TTLL5: variants seen among roughly 807,000 people sequenced by gnomAD.
TTLL5 encodes the protein tubulin tyrosine ligase like 5, also known as tubulin polyglutamylase TTLL5.
TTLL5 carries 132 observed loss-of-function variants against 168.4 expected under a neutral mutation model. The observed-to-expected ratio is 0.78, with a 90% CI of 0.68 to 0.91. The LOEUF is 0.91. TTLL5 is among the 40% of genes least tolerant of loss of function. The probability of loss-of-function intolerance (pLI) is 0.00; values close to 1 mark genes in which losing one functional copy is unlikely to be tolerated. For missense variants in TTLL5, 1,545 were observed against 1,581.5 expected (o/e 0.98, Z 0.39); for synonymous variants, 546 against 558.6 (o/e 0.98, Z 0.32).
chr14:75,835,015 T>C (rs1266220152), intron 28 of TTLL5, among the ~76,000 whole-genome samples: 3 of 152,098 alleles, frequency 2.0e-5, no homozygotes, highest in African/African-American at 7.2e-5. Context: ...CTGCAGTGAA[T>C]CATGATTGTG....
intron 10 of TTLL5, among the ~76,000 whole-genome samples, chr14:75,718,831 A>G (rs1887642484): frequency 6.6e-6 from 1 of 152,184 alleles, no homozygotes; most frequent in Non-Finnish European, 1.5e-5. Flanking sequence ...AAGAGACCCA[A>G]ATAGTTACTT....
intron 31 of TTLL5, chr14:75,904,363 G>C (rs925480236): frequency 1.5e-6 from 1 of 678,954 alleles, no homozygotes; most frequent in African/African-American, 2.0e-5. Flanking sequence ...TACCCTATGA[G>C]AACCCCTTTG....
At chr14:75,858,462 A>G (rs1897242305) in intron 28 of TTLL5, among the ~76,000 whole-genome samples, 2 of 152,238 alleles carry the variant, frequency 1.3e-5, no homozygotes, top group African/African-American at 4.8e-5. Flanking sequence ...ATGTACACAT[A>G]AAGCAATTCG....
intron 28 of TTLL5, among the ~76,000 whole-genome samples, chr14:75,822,877 A>G (rs771123058): frequency 1.3e-5 from 2 of 152,170 alleles, no homozygotes; most frequent in Non-Finnish European, 2.9e-5. Flanking sequence ...AAGAAGGCAA[A>G]GAGCCCACGA....
At chr14:75,837,825 A>G (rs758501716) in intron 28 of TTLL5, among the ~76,000 whole-genome samples, 3 of 152,104 alleles carry the variant, frequency 2.0e-5, no homozygotes, top group Non-Finnish European at 2.9e-5. Context: ...ACATATATAT[A>G]TGTGTATATC....
intron 28 of TTLL5, among the ~76,000 whole-genome samples, chr14:75,848,143 CT>C (rs1896656424): frequency 6.6e-6 from 1 of 151,936 alleles, no homozygotes; most frequent in South Asian, 2.1e-4. Context: ...AGGCAGGTTA[CT>C]GGAGCCAGAA....
rs575892500 is a variant in TTLL5 at position 75,786,249 on chromosome 14, A to G, written c.2986+2719A>G. On this transcript the variant is annotated intron_variant, in intron 26 of 31. Transcript: ENST00000298832. ...GATCAATAATGTTCTAGTTTGAACT[A>G]TTTTTTCCCCATGTAAGAAATTCAG... is the stretch of plus-strand genomic sequence containing the variant. Among the ~76,000 whole-genome samples, 287 of 152,214 alleles carry G rather than the reference A, an allele frequency of 1.9e-3. 1 individual carries two copies. Among genetic ancestry groups the G allele is most frequent in the African/African-American group, 6.7e-3 (278 of 41,534 alleles).
chr14:75,870,489 TCC>T (rs1441622003), intron 29 of TTLL5, among the ~76,000 whole-genome samples: 3 of 152,128 alleles, frequency 2.0e-5, no homozygotes, highest in African/African-American at 7.2e-5. Flanking sequence ...TCCTTTACCC[TCC>T]CTTGTACTTT....
At position 75,817,021 on chromosome 14, in the gene TTLL5, G is replaced by A. The variant is rs1036187919; in HGVS notation, c.3172-2986G>A. Among the ~76,000 whole-genome samples the A allele has an allele frequency of 9.9e-5, 12 of 121,436 alleles. No individual in the cohort carries two copies. In the South Asian group the frequency reaches 1.1e-3, roughly 11 times the overall value. The allele number at this position is 121,436 out of a possible 152,430, so 79.7% of individuals were successfully genotyped here. A position where few individuals can be genotyped will look rare whatever the true frequency, so the allele number is the denominator to read the frequency against. On this transcript the variant is annotated intron_variant, in intron 27 of 31. Transcript: ENST00000298832. ...TTTGAGACAAGAGTCTCGCTCTGTC[G>A]CCAGGCTGGAGTGCAGTGCGCTATC...
intron 31 of TTLL5, among the ~76,000 whole-genome samples, chr14:75,924,660 T>A (rs1186337383): frequency 4.6e-5 from 7 of 151,942 alleles, no homozygotes; most frequent in Admixed American, 2.0e-4. Flanking sequence ...CAGAACAAAA[T>A]GAAAAGTCTC....
intron 26 of TTLL5, among the ~76,000 whole-genome samples, chr14:75,790,348 A>G (rs1265749519): frequency 2.0e-5 from 3 of 152,210 alleles, no homozygotes; most frequent in Non-Finnish European, 4.4e-5. Flanking sequence ...ACCAGAAAAG[A>G]GGTAGCATGT....
rs368697896 is a variant in TTLL5 at position 75,954,538 on chromosome 14, AT to A, written c.*103del. The A allele has an allele frequency of 0.072, 76,058 of 1,059,880 alleles. 1 individual carries two copies. Among genetic ancestry groups the A allele is most frequent in the South Asian group, 0.11 (6,489 of 56,968 alleles). 65.7% of individuals were successfully genotyped at this position (1,059,880 alleles called of 1,614,324 possible). On this transcript the variant is annotated 3_prime_UTR_variant, in exon 32 of 32. Transcript: ENST00000298832. ...ACCAGCACTTCAAGGGGTCCATAGT[AT>A]TTTTTTTTTTGCTGCCTCAAAGTCC...
intron 31 of TTLL5, among the ~76,000 whole-genome samples, chr14:75,907,397 A>G (rs998217377): frequency 6.6e-6 from 1 of 152,182 alleles, no homozygotes; most frequent in African/African-American, 2.4e-5. Context: ...CGAAACTTCA[A>G]GGCTTTGATA....
At chr14:75,831,871 CT>C (rs1229614998) in intron 28 of TTLL5, among the ~76,000 whole-genome samples, 1 of 152,116 alleles carries the variant, frequency 6.6e-6, no homozygotes, top group Non-Finnish European at 1.5e-5. Context: ...ACCCTTTTGG[CT>C]TTTGGCTTTT....
chr14:75,730,910 G>T (rs1015820313), intron 12 of TTLL5, among the ~76,000 whole-genome samples: 19 of 152,030 alleles, frequency 1.2e-4, no homozygotes, highest in African/African-American at 4.6e-4. Context: ...AGTAGAGACG[G>T]GGTTTCACCA....
rs74248914 is a variant in TTLL5, at chr14:75,707,442, G to A, written c.656-181G>A. ...TGTACTATATACATAATATGTATACGGTACAATTATATAGTATAATTATTA... is the reference window on the plus strand; with the variant it reads ...TGTACTATATACATAATATGTATACAGTACAATTATATAGTATAATTATTA... On this transcript the variant is annotated intron_variant, in intron 8 of 31. Coordinates refer to ENST00000298832, the MANE Select transcript of TTLL5 (RefSeq NM_015072.5). Among the ~76,000 whole-genome samples the A allele has an allele frequency of 7.3e-4, 111 of 151,486 alleles. 1 individual carries two copies. The East Asian group carries it at 0.018, about 25-fold the overall frequency.
intron 28 of TTLL5, among the ~76,000 whole-genome samples, chr14:75,825,056 C>T (rs1895045981): frequency 6.6e-6 from 1 of 152,078 alleles, no homozygotes; most frequent in Non-Finnish European, 1.5e-5. Flanking sequence ...ACCATAATTT[C>T]CCCATCTTTT....
At chr14:75,924,524 G>C (rs1012795291) in intron 31 of TTLL5, among the ~76,000 whole-genome samples, 47 of 151,946 alleles carry the variant, frequency 3.1e-4, no homozygotes, top group South Asian at 1.0e-3. Context: ...GTTTAACAAA[G>C]CACATCTTGC....
chr14:75,951,928 T>C (rs979459185), intron 31 of TTLL5, among the ~76,000 whole-genome samples: 2 of 151,922 alleles, frequency 1.3e-5, no homozygotes, highest in African/African-American at 4.8e-5. Context: ...AAGAAGAAAA[T>C]AGACAAACTG....
Sources: allele counts gnomAD v4.1 joint callset (sites outside exome capture counted in the v4.1 genomes callset), GRCh38; gene constraint gnomAD v4.1.1; transcripts MANE v1.5; gene names NCBI Gene and HGNC (gene_info 2026-07-23, HGNC 2026-07-21).